Variants in RCOR1 observed in about 807,000 individuals in gnomAD.
RCOR1 encodes the protein REST corepressor.
A neutral mutation model predicts 64.0 loss-of-function variants in RCOR1; 12 were observed. That is an observed-to-expected ratio of 0.19 (90% CI 0.12 to 0.30). The LOEUF is 0.30. Ranked by LOEUF, RCOR1 falls within the 10% of genes least tolerant of loss-of-function variation. The pLI, the probability that RCOR1 is intolerant of heterozygous loss-of-function variation, is 1.00. For missense variants in RCOR1, 502 were observed against 621.2 expected (o/e 0.81, Z 2.04); for synonymous variants, 279 against 227.2 (o/e 1.23, Z -2.05).
At position 102,715,483 on chromosome 14, in the gene RCOR1, A is replaced by G. The variant is rs377054675; in HGVS notation, c.1053+866A>G. Among the ~76,000 whole-genome samples, 12 of 149,192 alleles carry G rather than the reference A, an allele frequency of 8.0e-5. No homozygotes were observed. In the South Asian group the frequency reaches 2.4e-3, roughly 29 times the overall value. On this transcript the variant is annotated intron_variant, in intron 8 of 11. Coordinates refer to ENST00000262241, the MANE Select transcript of RCOR1 (RefSeq NM_015156.4). ...TGTAACCTTTGCTTCCGGGGCTCAA[A>G]TGATCCTCCCATCTCAGCCTCCCAA...
chr14:102,637,614 T>A (rs889506628), intron 2 of RCOR1, among the ~76,000 whole-genome samples: 1 of 151,960 alleles, frequency 6.6e-6, no homozygotes, highest in Admixed American at 6.6e-5. Flanking sequence ...GCTTGGCTAA[T>A]GTTTAGTATT....
chr14:102,621,367 C>CTTTTTTTTTTTTTT (rs35481023), intron 2 of RCOR1, among the ~76,000 whole-genome samples: 1 of 78,514 alleles, frequency 1.3e-5, no homozygotes, highest in African/African-American at 5.1e-5. Flanking sequence ...CAGTCTTTGT[C>CTTTTTTTTTTTTTT]TTTTTTTTTT....
At chr14:102,619,041 ATT>A (rs1305646582) in intron 2 of RCOR1, among the ~76,000 whole-genome samples, 1 of 152,118 alleles carries the variant, frequency 6.6e-6, no homozygotes, top group Admixed American at 6.6e-5. Context: ...GGAAGGTGAG[ATT>A]GTGGAACAGG....
intron 2 of RCOR1, among the ~76,000 whole-genome samples, chr14:102,668,622 C>G (rs1364713726): frequency 6.6e-6 from 1 of 152,128 alleles, no homozygotes; most frequent in Non-Finnish European, 1.5e-5. Flanking sequence ...TTTACAGTCC[C>G]TCTCCTTTTT....
chr14:102,659,235 C>T, intron 2 of RCOR1: 1 of 985,034 alleles, frequency 1.0e-6, no homozygotes, highest in Non-Finnish European at 1.2e-6. Context: ...TGCATATGAA[C>T]AAGTGGAGTT....
chr14:102,634,438 G>C (rs796456481), intron 2 of RCOR1, among the ~76,000 whole-genome samples: 5 of 152,004 alleles, frequency 3.3e-5, no homozygotes, highest in Non-Finnish European at 7.3e-5. Context: ...CGGCAGATTT[G>C]AGTAATTATG....
In RCOR1 at chr14:102,617,972, C is replaced by CTT. The variant is rs71305077; in HGVS notation, c.361+24662_361+24663dup. ...ACTTACATAAGTTTCTTTTTTTTTT[C>CTT]TTTTTTTTTTTTTTTTGTGAGACAG... On this transcript the variant is annotated intron_variant, in intron 2 of 11. Transcript: ENST00000262241. 1.9e-3 allele frequency among the ~76,000 whole-genome samples: 231 copies of CTT among 122,540 alleles called. 2 individuals are homozygous for CTT. Among genetic ancestry groups the CTT allele is most frequent in the Non-Finnish European group, 2.2e-3 (127 of 58,658 alleles). 80.4% of individuals were successfully genotyped at this position (122,540 alleles called of 152,430 possible). A position where few individuals can be genotyped will look rare whatever the true frequency, so the allele number is the denominator to read the frequency against.
intron 2 of RCOR1, among the ~76,000 whole-genome samples, chr14:102,661,496 A>G (rs1177653269): frequency 6.6e-6 from 1 of 152,216 alleles, no homozygotes; most frequent in Non-Finnish European, 1.5e-5. Flanking sequence ...ATGTTTCAAA[A>G]CCTTGTAAGA....
chr14:102,593,483 C>T (rs1033876280), intron 2 of RCOR1, among the ~76,000 whole-genome samples, 158 bp downstream of exon 2: 1 of 152,224 alleles, frequency 6.6e-6, no homozygotes, highest in Non-Finnish European at 1.5e-5. Flanking sequence ...GAGGCGCACA[C>T]GCACACGAGT....
intron 4 of RCOR1, among the ~76,000 whole-genome samples, chr14:102,702,848 C>T (rs188317482): frequency 6.6e-6 from 1 of 152,232 alleles, no homozygotes; most frequent in East Asian, 1.9e-4. Flanking sequence ...AAAGTATGCC[C>T]ATTCAGTAGA....
chr14:102,595,071 C>T (rs577849782), intron 2 of RCOR1, among the ~76,000 whole-genome samples: 26 of 152,284 alleles, frequency 1.7e-4, no homozygotes, highest in African/African-American at 6.3e-4. Context: ...ATCAGCTCTG[C>T]ATTGTTAGTA....
chr14:102,655,271 GT>G (rs1894700012), intron 2 of RCOR1: 2 of 985,056 alleles, frequency 2.0e-6, no homozygotes, highest in Non-Finnish European at 2.4e-6. Flanking sequence ...CCTGGAGGCA[GT>G]TTTCTGATTT....
At chr14:102,619,403 A>G (rs1035419703) in intron 2 of RCOR1, among the ~76,000 whole-genome samples, 1 of 149,376 alleles carries the variant, frequency 6.7e-6, no homozygotes, top group Non-Finnish European at 1.5e-5. Context: ...TACAGATGTG[A>G]GCCACCCCAC....
intron 2 of RCOR1, among the ~76,000 whole-genome samples, chr14:102,675,047 CAAAAA>C (rs761294133): frequency 2.2e-4 from 14 of 63,412 alleles, no homozygotes; most frequent in African/African-American, 7.3e-4. Flanking sequence ...GACTCCACCT[CAAAAA>C]AAAAAAAAAA....
chr14:102,642,503 G>C (rs976100561), intron 2 of RCOR1, among the ~76,000 whole-genome samples: 44 of 152,090 alleles, frequency 2.9e-4, no homozygotes, highest in African/African-American at 1.0e-3. Flanking sequence ...AAAGTCTTAG[G>C]CCGATTTGAT....
chr14:102,611,330 A>G (rs1893629865), intron 2 of RCOR1, among the ~76,000 whole-genome samples: 1 of 152,004 alleles, frequency 6.6e-6, no homozygotes, highest in Non-Finnish European at 1.5e-5. Context: ...TGGCCTCCCA[A>G]AGTGTAGGGA....
At chr14:102,653,615 G>A (rs1894639623) in intron 2 of RCOR1, among the ~76,000 whole-genome samples, 1 of 152,104 alleles carries the variant, frequency 6.6e-6, no homozygotes, top group African/African-American at 2.4e-5. Flanking sequence ...TGGAGGTGGG[G>A]GCCCATGATT....
chr14:102,601,995 C>T (rs1893408911), intron 2 of RCOR1, among the ~76,000 whole-genome samples: 1 of 151,868 alleles, frequency 6.6e-6, no homozygotes, highest in South Asian at 2.1e-4. Context: ...CCCGTCTCTA[C>T]TAAAAATATA....
rs2139994728 is a variant in RCOR1, at chr14:102,720,987, A to G, written c.1054-20A>G. ...ATATAGTTTTTATTTTTAAAATGAAAATTATTTTTTCCTTCCTAGATCCAG... is the reference window on the plus strand; with the variant it reads ...ATATAGTTTTTATTTTTAAAATGAAGATTATTTTTTCCTTCCTAGATCCAG... On this transcript the variant is annotated intron_variant, in intron 8 of 11. Transcript: ENST00000262241. 1.5e-6 allele frequency: 2 copies of G among 1,343,496 alleles called. No individual in the cohort carries two copies. The highest frequency in any genetic ancestry group is 1.3e-5 in the South Asian group (1 of 74,434). 83.2% of individuals were successfully genotyped at this position (1,343,496 alleles called of 1,614,324 possible). A position where few individuals can be genotyped will look rare whatever the true frequency, so the allele number is the denominator to read the frequency against.
Sources: allele counts gnomAD v4.1 joint callset (sites outside exome capture counted in the v4.1 genomes callset), GRCh38; gene constraint gnomAD v4.1.1; transcripts MANE v1.5; gene names NCBI Gene and HGNC (gene_info 2026-07-23, HGNC 2026-07-21).